The following ARHGAP32 variants were observed in gnomAD, a reference collection of about 807,000 sequenced individuals.
The protein encoded by ARHGAP32 is Rho GTPase activating protein 32, also known as rho GTPase-activating protein 32.
ARHGAP32 carries 51 observed loss-of-function variants against 186.5 expected under a neutral mutation model. That is an observed-to-expected ratio of 0.27 (90% CI 0.22 to 0.35). The LOEUF (loss-of-function observed/expected upper bound fraction) is 0.35. Among genes scored for constraint, ARHGAP32 ranks in the 10% least tolerant of loss-of-function variants. ARHGAP32 has a pLI of 1.00. For synonymous variants in ARHGAP32, 950 were observed against 964.3 expected (o/e 0.99, Z 0.27); for missense variants, 2,186 against 2,623.5 (o/e 0.83, Z 3.64).
chr11:129,120,705 G>A (rs952017868), intron 5 of ARHGAP32, among the ~76,000 whole-genome samples: 4 of 152,066 alleles, frequency 2.6e-5, no homozygotes, highest in African/African-American at 4.8e-5. Flanking sequence ...ATGGCCAACT[G>A]CAATTATAAA....
chr11:129,007,772 C>T (rs957769888), intron 11 of ARHGAP32, among the ~76,000 whole-genome samples: 7 of 152,158 alleles, frequency 4.6e-5, no homozygotes, highest in Admixed American at 2.6e-4. Flanking sequence ...GCTCTGGGCC[C>T]AGTTCAGCAT....
chr11:129,213,996 C>T (rs1204476660), intron 1 of ARHGAP32, among the ~76,000 whole-genome samples: 2 of 151,798 alleles, frequency 1.3e-5, no homozygotes, highest in South Asian at 2.1e-4. Context: ...CAGACCCCTC[C>T]GGAAAACCCG....
rs753809949 is a variant in ARHGAP32, at chr11:129,041,018, A to T, written c.964-9T>A. The T allele has an allele frequency of 1.3e-6, 2 of 1,579,062 alleles. No homozygotes were observed. The highest frequency in any genetic ancestry group is 1.7e-6 in the Non-Finnish European group (2 of 1,159,774). Reference sequence around the variant, plus strand: ...CCAGGGAAGAGTCCCACCTGATGAAAAGCAACAAAGAAAGGATTCTAAACC... The same window carrying T: ...CCAGGGAAGAGTCCCACCTGATGAATAGCAACAAAGAAAGGATTCTAAACC... On this transcript the variant is annotated splice_polypyrimidine_tract_variant and intron_variant, in intron 10 of 22. Transcript: ENST00000682385.
At chr11:129,250,226 C>A (rs1945162075) in intron 1 of ARHGAP32, among the ~76,000 whole-genome samples, 1 of 151,864 alleles carries the variant, frequency 6.6e-6, no homozygotes, top group Non-Finnish European at 1.5e-5. Flanking sequence ...GTGATACCCC[C>A]CTGAAAAACA....
chr11:129,186,890 T>C (rs1316697496), intron 1 of ARHGAP32, among the ~76,000 whole-genome samples: 5 of 152,196 alleles, frequency 3.3e-5, no homozygotes, highest in Non-Finnish European at 7.4e-5. Flanking sequence ...TGTGGAGAAA[T>C]GGGAACCCTC....
chr11:128,972,420 T>C, intron 22 of ARHGAP32, 33 bp downstream of exon 22: 1 of 1,505,108 alleles, frequency 6.6e-7, no homozygotes, highest in Non-Finnish European at 8.9e-7. Context: ...GGTAATAGTA[T>C]ATTTCATCTC....
chr11:129,069,391 T>C (rs1284368065), intron 6 of ARHGAP32, among the ~76,000 whole-genome samples: 2 of 152,020 alleles, frequency 1.3e-5, no homozygotes, highest in Non-Finnish European at 1.5e-5. Flanking sequence ...CTCTATTAAT[T>C]TGGAGAACTT....
chr11:129,114,981 A>C (rs144142938), intron 5 of ARHGAP32, among the ~76,000 whole-genome samples: 126 of 152,232 alleles, frequency 8.3e-4, no homozygotes, highest in African/African-American at 2.9e-3. Flanking sequence ...AGAAGAAACC[A>C]TTCACCAAAG....
chr11:129,108,063 A>G (rs951058464), intron 5 of ARHGAP32, among the ~76,000 whole-genome samples: 2 of 152,166 alleles, frequency 1.3e-5, no homozygotes, highest in Admixed American at 6.6e-5. Context: ...CAATTAAATA[A>G]GAAAGAAGGC....
chr11:128,996,083 C>A lies in ARHGAP32; in HGVS notation c.1195+2236G>T, dbSNP rs563687603. Among the ~76,000 whole-genome samples the A allele has an allele frequency of 6.4e-4, 98 of 152,274 alleles. 2 individuals carry two copies. In the South Asian group the frequency reaches 0.02, roughly 31 times the overall value. On this transcript the variant is annotated intron_variant, in intron 12 of 22. Coordinates refer to ENST00000682385, the MANE Select transcript of ARHGAP32 (RefSeq NM_001378024.1). ...CTGAACCTATTGGTAAAAATCACTA[C>A]TATATTTATGGCACTGGATATCATA...
At chr11:129,277,259 T>C (rs1407149545) in intron 1 of ARHGAP32, among the ~76,000 whole-genome samples, 2 of 151,868 alleles carry the variant, frequency 1.3e-5, no homozygotes, top group Non-Finnish European at 2.9e-5. Flanking sequence ...GATGAATGTA[T>C]TGCCATTAGT....
intron 12 of ARHGAP32, among the ~76,000 whole-genome samples, chr11:128,993,779 C>T (rs1206901602): frequency 6.6e-6 from 1 of 151,200 alleles, no homozygotes; most frequent in African/African-American, 2.4e-5. Flanking sequence ...GTATCCTGGA[C>T]CTCCTGGGCT....
intron 6 of ARHGAP32, among the ~76,000 whole-genome samples, chr11:129,086,377 G>A (rs540943799): frequency 4.6e-5 from 7 of 152,204 alleles, no homozygotes; most frequent in Non-Finnish European, 7.4e-5. Flanking sequence ...TAGTTACAGC[G>A]ATGATATTTT....
intron 2 of ARHGAP32, among the ~76,000 whole-genome samples, chr11:129,153,115 C>A (rs1943325689): frequency 6.7e-6 from 1 of 150,160 alleles, no homozygotes; most frequent in Non-Finnish European, 1.5e-5. Flanking sequence ...AGAATCAAAT[C>A]AAGAACTCAA....
intron 1 of ARHGAP32, among the ~76,000 whole-genome samples, chr11:129,225,290 T>G (rs1035748200): frequency 6.6e-6 from 1 of 152,176 alleles, no homozygotes; most frequent in Non-Finnish European, 1.5e-5. Context: ...TCTATTCACA[T>G]GTACAGGGCT....
At chr11:129,027,891 C>A (rs139355819) in intron 11 of ARHGAP32, among the ~76,000 whole-genome samples, 345 of 152,292 alleles carry the variant, frequency 2.3e-3, no homozygotes, top group African/African-American at 8.1e-3. Context: ...TTAGCCATAG[C>A]ACTTAGTATG....
At chr11:129,214,017 C>T (rs1430113145) in intron 1 of ARHGAP32, among the ~76,000 whole-genome samples, 1 of 151,730 alleles carries the variant, frequency 6.6e-6, no homozygotes, top group African/African-American at 2.4e-5. Flanking sequence ...TAACTCCAGT[C>T]TAACCATGAG....
intron 1 of ARHGAP32, among the ~76,000 whole-genome samples, chr11:129,198,223 T>C (rs1193125752): frequency 6.6e-6 from 1 of 152,220 alleles, no homozygotes; most frequent in Non-Finnish European, 1.5e-5. Context: ...TGCAAGGATA[T>C]ATGAATAAAA....
intron 1 of ARHGAP32, among the ~76,000 whole-genome samples, chr11:129,199,084 G>C (rs2135572396): frequency 6.6e-6 from 1 of 152,312 alleles, no homozygotes; most frequent in African/African-American, 2.4e-5. Flanking sequence ...AGATGATTTA[G>C]GGTATCTGGC....
Sources: allele counts gnomAD v4.1 joint callset (sites outside exome capture counted in the v4.1 genomes callset), GRCh38; gene constraint gnomAD v4.1.1; transcripts MANE v1.5; gene names NCBI Gene and HGNC (gene_info 2026-07-23, HGNC 2026-07-21).